Variants in PHF24 observed in about 807,000 individuals in gnomAD.
PHF24 encodes PHD finger protein 24.
A neutral mutation model predicts 42.6 loss-of-function variants in PHF24; 25 were observed. That is an observed-to-expected ratio of 0.59 (90% CI 0.43 to 0.82). The LOEUF (loss-of-function observed/expected upper bound fraction) is 0.82. PHF24 is among the 40% of genes least tolerant of loss of function. The probability of loss-of-function intolerance (pLI) is 0.00; values close to 1 mark genes in which losing one functional copy is unlikely to be tolerated. For synonymous variants in PHF24, 185 were observed against 204.8 expected (o/e 0.90, Z 0.83); for missense variants, 470 against 538.1 (o/e 0.87, Z 1.25).
At chr9:34,726,792 C>G in the PHF24 span, 1 of 1,551,756 alleles carries the variant, frequency 6.4e-7, no homozygotes, top group Non-Finnish European at 8.7e-7. Flanking sequence ...AGACTCTGAT[C>G]TAAAGACATA....
chr9:34,819,159 G>A, the PHF24 span, among the ~76,000 whole-genome samples: 2 of 151,782 alleles, frequency 1.3e-5, no homozygotes, highest in Non-Finnish European at 2.9e-5. Flanking sequence ...TCCTGATATT[G>A]GTAATTTGTG....
chr9:34,853,136 T>C, the PHF24 span, among the ~76,000 whole-genome samples: 1 of 152,226 alleles, frequency 6.6e-6, no homozygotes, highest in African/African-American at 2.4e-5. Flanking sequence ...GGTATGTTCC[T>C]TCAGTACCTA....
the PHF24 span, among the ~76,000 whole-genome samples, chr9:34,679,428 TTTAG>T: frequency 6.6e-6 from 1 of 152,310 alleles, no homozygotes; most frequent in East Asian, 1.9e-4. Context: ...CTGGAACTAG[TTTAG>T]AGTGGATCAC....
chr9:34,892,198 G>T, the PHF24 span, among the ~76,000 whole-genome samples: 1 of 152,018 alleles, frequency 6.6e-6, no homozygotes, highest in African/African-American at 2.4e-5. Flanking sequence ...AGAGAGGAGA[G>T]GGTAGAGCTA....
At chr9:34,774,297 A>C in the PHF24 span, among the ~76,000 whole-genome samples, 3 of 152,234 alleles carry the variant, frequency 2.0e-5, no homozygotes, top group African/African-American at 7.2e-5. Flanking sequence ...CTATCAACAG[A>C]GTGAAAAGTC....
At chr9:34,928,834 A>C in the PHF24 span, among the ~76,000 whole-genome samples, 21 of 152,174 alleles carry the variant, frequency 1.4e-4, no homozygotes, top group African/African-American at 4.1e-4. Context: ...TGGACAAACA[A>C]ACACTACCAC....
At chr9:34,927,923 T>C in the PHF24 span, among the ~76,000 whole-genome samples, 1 of 152,218 alleles carries the variant, frequency 6.6e-6, no homozygotes, top group Non-Finnish European at 1.5e-5. Flanking sequence ...ATGAAACTTA[T>C]GTTTTAAAAC....
At chr9:34,683,947 A>G in the PHF24 span, among the ~76,000 whole-genome samples, 1 of 152,178 alleles carries the variant, frequency 6.6e-6, no homozygotes. Flanking sequence ...TGGTGCCACC[A>G]TGCTGTCTTG....
chr9:34,752,397 T>C, the PHF24 span, among the ~76,000 whole-genome samples: 1 of 152,128 alleles, frequency 6.6e-6, no homozygotes, highest in African/African-American at 2.4e-5. Context: ...CATTAGAGGC[T>C]ACTAGGGGCA....
At chr9:34,790,273 G>A in the PHF24 span, among the ~76,000 whole-genome samples, 9 of 152,342 alleles carry the variant, frequency 5.9e-5, no homozygotes, top group Non-Finnish European at 1.2e-4. Flanking sequence ...TTATTAGGCA[G>A]ATGTCCTCAC....
At chr9:34,691,265 G>A in the PHF24 span, 20 of 718,440 alleles carry the variant, frequency 2.8e-5, no homozygotes, top group Non-Finnish European at 4.7e-5. Context: ...TGAGTGATGT[G>A]AGGCTGGGAA....
chr9:34,850,536 C>T, the PHF24 span, among the ~76,000 whole-genome samples: 8 of 152,262 alleles, frequency 5.3e-5, no homozygotes, highest in African/African-American at 1.9e-4. Context: ...ACTTCTTTGT[C>T]TTTGTTTTGA....
At chr9:34,677,428 G>A in the PHF24 span, among the ~76,000 whole-genome samples, 49 of 102,274 alleles carry the variant, frequency 4.8e-4, no homozygotes, top group East Asian at 3.9e-3. Context: ...ATGGAGTCTC[G>A]CTCTGTCGCC....
the PHF24 span, among the ~76,000 whole-genome samples, chr9:34,812,144 A>G: frequency 3.3e-5 from 5 of 152,224 alleles, no homozygotes; most frequent in African/African-American, 1.2e-4. Context: ...TGGCTGAGGC[A>G]GGAGGATTAC....
chr9:34,971,624 G>A lies in PHF24; in HGVS notation c.326G>A (p.Arg109Gln), dbSNP rs372641183. The A allele has an allele frequency of 2.8e-5, 45 of 1,613,706 alleles. No individual in the cohort carries two copies. Among genetic ancestry groups the A allele is most frequent in the African/African-American group, 9.3e-5 (7 of 74,892 alleles). The stretch of plus-strand genomic sequence containing the variant: ...CCCCCTGCGTTCATCCGCCCCACCC[G>A]GAAGCTGGATGATGACAAACCTCCA... The change falls in exon 2 of 8, where the codon CGG becomes CAG. Residue 109 changes from arginine to glutamine, a missense_variant. Coordinates refer to ENST00000242315, the Ensembl canonical transcript of PHF24.
chr9:34,942,172 G>C, the PHF24 span, among the ~76,000 whole-genome samples: 1 of 152,146 alleles, frequency 6.6e-6, no homozygotes, highest in African/African-American at 2.4e-5. Context: ...TGGCAGGACA[G>C]CTCGCACCAC....
chr9:34,976,119 A>G (rs938895631), intron 3 of PHF24, 33 bp from the exon 4 acceptor site: 1 of 1,507,276 alleles, frequency 6.6e-7, no homozygotes, highest in South Asian at 1.1e-5. Flanking sequence ...ACTGGCCTGT[A>G]TGGCCACCGA....
At chr9:34,966,403 T>C (rs1826768733) in intron 1 of PHF24, among the ~76,000 whole-genome samples, 1 of 152,116 alleles carries the variant, frequency 6.6e-6, no homozygotes, top group African/African-American at 2.4e-5. Context: ...CTGGGCAACA[T>C]ACCAAGACCC....
chr9:34,728,181 A>G, the PHF24 span: 5 of 1,105,094 alleles, frequency 4.5e-6, no homozygotes, highest in Non-Finnish European at 6.5e-6. Context: ...TCAAGAAAAG[A>G]CTACAATCCT....
Sources: allele counts gnomAD v4.1 joint callset (sites outside exome capture counted in the v4.1 genomes callset), GRCh38; gene constraint gnomAD v4.1.1; transcripts MANE v1.5; gene names NCBI Gene and HGNC (gene_info 2026-07-23, HGNC 2026-07-21).